ZNF804B: variants seen among roughly 807,000 people sequenced by gnomAD.
The protein encoded by ZNF804B is zinc finger protein 804B, also known as zinc finger 804B.
ZNF804B carries 80 observed loss-of-function variants against 101.4 expected under a neutral mutation model. The observed-to-expected ratio is 0.79, with a 90% CI of 0.66 to 0.95. ZNF804B has a LOEUF of 0.95. ZNF804B is among the 40% of genes least tolerant of loss of function. The probability of loss-of-function intolerance (pLI) is 0.00; values close to 1 mark genes in which losing one functional copy is unlikely to be tolerated. For missense variants in ZNF804B, 1,673 were observed against 1,561.9 expected, an observed-to-expected ratio of 1.07 and a Z score of -1.20; for synonymous variants, 622 against 558.8, an observed-to-expected ratio of 1.11 and a Z score of -1.59.
intron 1 of ZNF804B, among the ~76,000 whole-genome samples, chr7:88,965,369 G>A (rs781177832): frequency 6.6e-6 from 1 of 151,324 alleles, no homozygotes; most frequent in Non-Finnish European, 1.5e-5. Flanking sequence ...TTTTAAAATA[G>A]CCCTGCATGA....
intron 1 of ZNF804B, among the ~76,000 whole-genome samples, chr7:88,986,862 G>A (rs1793765762): frequency 1.3e-5 from 2 of 152,060 alleles, no homozygotes; most frequent in African/African-American, 4.8e-5. Context: ...GAACAAAGTT[G>A]AACAAAGCTA....
intron 1 of ZNF804B, among the ~76,000 whole-genome samples, chr7:88,841,214 A>T (rs62462052): frequency 6.6e-6 from 1 of 152,132 alleles, no homozygotes; most frequent in Non-Finnish European, 1.5e-5. Flanking sequence ...ATGAATTTGG[A>T]TCTGGATTTA....
At chr7:89,214,893 A>G (rs1029614278) in intron 1 of ZNF804B, among the ~76,000 whole-genome samples, 7 of 152,190 alleles carry the variant, frequency 4.6e-5, no homozygotes, top group African/African-American at 1.7e-4. Context: ...AGATCGTTGG[A>G]TGGATGAGGT....
chr7:89,227,627 G>T (rs975379584), intron 2 of ZNF804B, among the ~76,000 whole-genome samples: 20 of 152,144 alleles, frequency 1.3e-4, no homozygotes, highest in African/African-American at 4.8e-4. Context: ...AGGGGTTTTA[G>T]TAAAGACCTT....
chr7:89,203,917 A>G (rs1228596661), intron 1 of ZNF804B, among the ~76,000 whole-genome samples: 4 of 152,228 alleles, frequency 2.6e-5, no homozygotes, highest in African/African-American at 9.6e-5. Flanking sequence ...GATTAATACC[A>G]GAACAATTTA....
intron 1 of ZNF804B, among the ~76,000 whole-genome samples, chr7:88,839,728 T>C (rs534444758): frequency 6.6e-6 from 1 of 152,088 alleles, no homozygotes; most frequent in South Asian, 2.1e-4. Flanking sequence ...TGTTAGCAGT[T>C]TAACCGAGAG....
At chr7:89,079,368 ATAG>A (rs1426608233) in intron 1 of ZNF804B, among the ~76,000 whole-genome samples, 3 of 152,070 alleles carry the variant, frequency 2.0e-5, no homozygotes, top group Non-Finnish European at 4.4e-5. Flanking sequence ...AAAACATAAG[ATAG>A]TTTGGCAAGT....
At chr7:88,965,481 G>C (rs953948745) in intron 1 of ZNF804B, among the ~76,000 whole-genome samples, 1 of 151,398 alleles carries the variant, frequency 6.6e-6, no homozygotes, top group African/African-American at 2.4e-5. Flanking sequence ...CCTTGAAAGG[G>C]TGACAATCAG....
At chr7:88,914,862 A>G (rs759686316) in intron 1 of ZNF804B, among the ~76,000 whole-genome samples, 1 of 152,210 alleles carries the variant, frequency 6.6e-6, no homozygotes, top group Admixed American at 6.5e-5. Context: ...AGAAAATGTG[A>G]ATCTAAAGAT....
chr7:89,317,147 C>T (rs754509031), intron 2 of ZNF804B, among the ~76,000 whole-genome samples: 1 of 152,070 alleles, frequency 6.6e-6, no homozygotes, highest in Non-Finnish European at 1.5e-5. Context: ...TTAGATTCTG[C>T]CTGAGAGTGA....
chr7:88,813,296 G>C (rs1420750629), intron 1 of ZNF804B, among the ~76,000 whole-genome samples: 2 of 151,534 alleles, frequency 1.3e-5, no homozygotes, highest in African/African-American at 4.8e-5. Flanking sequence ...GCGTGGTGGC[G>C]GGCGCATGTA....
chr7:89,120,653 G>C (rs1351281173), intron 1 of ZNF804B, among the ~76,000 whole-genome samples: 1 of 19,096 alleles, frequency 5.2e-5, no homozygotes. Context: ...GCGAGACTCC[G>C]CCTCAAAAAA....
At chr7:89,243,839 A>T (rs1789407593) in intron 2 of ZNF804B, among the ~76,000 whole-genome samples, 1 of 151,904 alleles carries the variant, frequency 6.6e-6, no homozygotes, top group Non-Finnish European at 1.5e-5. Context: ...TCATGTGGTA[A>T]ATAAACACTA....
chr7:89,238,456 A>G, intron 2 of ZNF804B, among the ~76,000 whole-genome samples: 1 of 151,922 alleles, frequency 6.6e-6, no homozygotes, highest in Non-Finnish European at 1.5e-5. Context: ...AAAATAAAAT[A>G]GGCTGAAACA....
At chr7:89,219,740 G>A (rs1170730203) in intron 2 of ZNF804B, among the ~76,000 whole-genome samples, 1 of 27,392 alleles carries the variant, frequency 3.7e-5, no homozygotes, top group South Asian at 1.0e-3. Flanking sequence ...GAATGTGTGG[G>A]TAAGTCTTGT....
chr7:89,160,936 A>G (rs1179265552), intron 1 of ZNF804B, among the ~76,000 whole-genome samples: 2 of 152,194 alleles, frequency 1.3e-5, no homozygotes, highest in East Asian at 1.9e-4. Flanking sequence ...TAAAACTAGA[A>G]TTCAGATATT....
At chr7:89,153,058 C>G (rs1477296409) in intron 1 of ZNF804B, among the ~76,000 whole-genome samples, 1 of 151,866 alleles carries the variant, frequency 6.6e-6, no homozygotes, top group Non-Finnish European at 1.5e-5. Flanking sequence ...AAAGCAAATA[C>G]TATATTTTAT....
At chr7:88,926,931 G>T (rs1433680384) in intron 1 of ZNF804B, among the ~76,000 whole-genome samples, 1 of 110,052 alleles carries the variant, frequency 9.1e-6, no homozygotes, top group Non-Finnish European at 1.7e-5. Flanking sequence ...ATGTCTGCCG[G>T]GTGGTGGGGA....
intron 1 of ZNF804B, chr7:88,794,293 A>G: frequency 1.2e-6 from 2 of 1,613,832 alleles, no homozygotes. Flanking sequence ...GGATTTGCAC[A>G]AGTACTTTAT....
Sources: gnomAD v4.1 joint callset for allele counts (sites outside exome capture counted in the v4.1 genomes callset) on GRCh38, gnomAD v4.1.1 for gene constraint, MANE v1.5 for transcripts, NCBI Gene and HGNC (gene_info 2026-07-23, HGNC 2026-07-21) for gene names.